F8: variants seen among roughly 807,000 people sequenced by gnomAD.
F8 encodes antihemophilic factor.
A neutral mutation model predicts 140.6 loss-of-function variants in F8; 12 were observed. The ratio of observed to expected loss-of-function variants is 0.09; its 90% CI spans 0.05 to 0.14. The LOEUF (loss-of-function observed/expected upper bound fraction) is 0.14. F8 is among the 10% of genes least tolerant of loss of function. The pLI is 1.00. For missense variants in F8, 1,354 were observed against 1,720.7 expected (o/e 0.79, Z 3.77); for synonymous variants, 585 against 614.6 (o/e 0.95, Z 0.71).
At chrX:155,003,890 G>A (rs1295103440) in intron 1 of F8, among the ~76,000 whole-genome samples, 1 of 106,052 alleles carries the variant, frequency 9.4e-6, no homozygotes, top group Non-Finnish European at 1.9e-5. Context: ...GAACCCAAGA[G>A]GTGGAGCTTG....
In F8 at chrX:154,850,016, A is replaced by G. The variant is rs185715483; in HGVS notation, c.6900+10416T>C. Among the ~76,000 whole-genome samples, 14 of 110,776 alleles carry G rather than the reference A, an allele frequency of 1.3e-4. No homozygotes were observed. In the East Asian group the frequency reaches 3.4e-3, roughly 27 times the overall value. ...TTCACACGCACACCTGGCTTAAACA[A>G]TAGAAATTTATTTTCTCACAGTTCT... On this transcript the variant is annotated intron_variant, in intron 25 of 25. Coordinates refer to ENST00000360256, the MANE Select transcript of F8 (RefSeq NM_000132.4).
chrX:154,964,092 C>A (rs1359785559), intron 9 of F8, among the ~76,000 whole-genome samples: 1 of 111,820 alleles, frequency 8.9e-6, no homozygotes, highest in African/African-American at 3.3e-5. Flanking sequence ...CACACACACA[C>A]ACACATACAC....
At chrX:154,866,567 A>T (rs1376932494) in intron 22 of F8, among the ~76,000 whole-genome samples, 1 of 112,217 alleles carries the variant, frequency 8.9e-6, no homozygotes. Flanking sequence ...ACTACAAATC[A>T]ATAACAATAA....
chrX:154,958,267 T>C (rs1241911397), intron 10 of F8, among the ~76,000 whole-genome samples: 1 of 112,120 alleles, frequency 8.9e-6, no homozygotes, highest in African/African-American at 3.2e-5. Context: ...ACTCTATTGG[T>C]TCTGCTATCC....
At chrX:154,916,475 T>C (rs1051409431) in intron 14 of F8, among the ~76,000 whole-genome samples, 1 of 112,030 alleles carries the variant, frequency 8.9e-6, no homozygotes, top group Non-Finnish European at 1.9e-5. Flanking sequence ...TCAATCTCAT[T>C]ACTAGTTATT....
At chrX:154,861,632 C>A in intron 24 of F8, 86 bp downstream of exon 24, 1 of 1,095,376 alleles carries the variant, frequency 9.1e-7, no homozygotes, top group East Asian at 3.0e-5. Flanking sequence ...ACAGAAATAC[C>A]TCAGAAGAAA....
chrX:155,017,319 C>T (rs2073738867), intron 1 of F8, among the ~76,000 whole-genome samples: 1 of 112,200 alleles, frequency 8.9e-6, no homozygotes, highest in Non-Finnish European at 1.9e-5. Flanking sequence ...ACAGAGTATC[C>T]AGCTGAGTCC....
At chrX:154,941,791 A>G (rs1379034732) in intron 13 of F8, among the ~76,000 whole-genome samples, 2 of 110,143 alleles carry the variant, frequency 1.8e-5, no homozygotes, top group Non-Finnish European at 3.8e-5. Flanking sequence ...GCAAATGTAA[A>G]ACAACAGAAA....
rs782649753 is a variant in F8 at position 154,929,288 on chromosome X, T to G, written c.4502A>C (p.Lys1501Thr). Residue 1501 changes from lysine (K) to threonine (T), a missense_variant, in exon 14 of 26, where the codon AAA becomes ACA. Physicochemically the swap from Lys to Thr is moderately conservative, Grantham distance 78. Transcript: ENST00000360256. Reference sequence around the variant, plus strand: ...GCCAGATGTTTTGGGCAAGTCTGGTTTCGGGAGAACAGTGTTCTCAACTTT... The same window carrying G: ...GCCAGATGTTTTGGGCAAGTCTGGTGTCGGGAGAACAGTGTTCTCAACTTT... ...YKKVENTVLP[K>T]PDLPKTSGKV... 2.1e-5 allele frequency: 25 copies of G among 1,210,420 alleles called. No individual in the cohort carries two copies. Among genetic ancestry groups the G allele is most frequent in the Non-Finnish European group, 2.7e-5 (24 of 895,331 alleles).
intron 22 of F8, among the ~76,000 whole-genome samples, chrX:154,888,844 A>C (rs1380572988): frequency 8.9e-6 from 1 of 112,724 alleles, no homozygotes; most frequent in Admixed American, 9.3e-5. Flanking sequence ...TAAGTTTCCA[A>C]GGCTTTCTGG....
intron 20 of F8, 93 bp downstream of exon 20, chrX:154,901,278 T>C (rs1247394977): frequency 4.8e-6 from 3 of 629,193 alleles, no homozygotes; most frequent in Non-Finnish European, 8.1e-6. Flanking sequence ...AATAGAAGCA[T>C]GGAGATGGAT....
intron 14 of F8, among the ~76,000 whole-genome samples, chrX:154,908,634 AG>A (rs782676264): frequency 1.8e-5 from 2 of 112,003 alleles, no homozygotes; most frequent in Non-Finnish European, 3.8e-5. Flanking sequence ...AAATTTCCAT[AG>A]TTTTTTTTTC....
chrX:154,836,611 G>A lies in F8; in HGVS notation c.*986C>T, dbSNP rs1314157227. On this transcript the variant is annotated 3_prime_UTR_variant, in exon 26 of 26. Transcript: ENST00000360256. ...AATTAGTAGAGGGAGAGAGTAAACTGAGTGCATTATTAGAATTACAAAGTT... is the reference window on the plus strand; with the variant it reads ...AATTAGTAGAGGGAGAGAGTAAACTAAGTGCATTATTAGAATTACAAAGTT... The A allele has an allele frequency of 8.9e-6, 1 of 111,868 alleles. No homozygotes were observed. Among genetic ancestry groups the A allele is most frequent in the East Asian group, 2.8e-4 (1 of 3,587 alleles). 9.2% of individuals were successfully genotyped at this position (111,868 alleles called of 1,213,427 possible). A position where few individuals can be genotyped will look rare whatever the true frequency, so the allele number is the denominator to read the frequency against.
chrX:154,872,126 G>A (rs782558542), intron 22 of F8, among the ~76,000 whole-genome samples: 6 of 111,946 alleles, frequency 5.4e-5, no homozygotes, highest in Non-Finnish European at 1.1e-4. Context: ...CAACCATTGT[G>A]GAAGACAGTA....
In F8 at chrX:154,928,887, C is replaced by G. The variant is rs782303047; in HGVS notation, c.4903G>C (p.Gly1635Arg). 1 of 1,211,553 alleles carries G rather than the reference C, an allele frequency of 8.3e-7. No individual in the cohort carries two copies. Among genetic ancestry groups the G allele is most frequent in the Non-Finnish European group, 1.1e-6 (1 of 895,484 alleles). Residue 1635 changes from glycine (G) to arginine (R), a missense_variant, in exon 14 of 26, where the codon GGA (glycine) becomes CGA (arginine). Coordinates refer to ENST00000360256, the MANE Select transcript of F8 (RefSeq NM_000132.4). ...ACTTCTATTTCGGGCTTATTTTGTC[C>G]CTCATTTATTGCTGCTATTGCATGA... Reference protein sequence around the residue: ...SNHAIAAINEGQNKPEIEVTW... With the variant: ...SNHAIAAINERQNKPEIEVTW...
chrX:154,906,256 A>G (rs2073037512), intron 15 of F8, among the ~76,000 whole-genome samples, 164 bp downstream of exon 15: 1 of 112,249 alleles, frequency 8.9e-6, no homozygotes. Context: ...TAATTTGAAT[A>G]CATAAGGAGA....
intron 6 of F8, among the ~76,000 whole-genome samples, chrX:154,983,461 C>T (rs1270349796): frequency 9.0e-6 from 1 of 111,581 alleles, no homozygotes; most frequent in Non-Finnish European, 1.9e-5. Context: ...AGAGTAGAAT[C>T]GTGGTTACCA....
Position 154,904,826 on chromosome X carries a change from G to A in F8, c.5571C>T (p.Phe1857=). 1 of 1,210,910 alleles carries A rather than the reference G, an allele frequency of 8.3e-7. No homozygotes were observed. Among genetic ancestry groups the A allele is most frequent in the East Asian group, 3.0e-5 (1 of 33,836 alleles). The change falls in exon 16 of 26, where the codon TTC becomes TTT. Residue 1857 remains phenylalanine (F), a synonymous_variant. Coordinates refer to ENST00000360256, the MANE Select transcript of F8 (RefSeq NM_000132.4). ...ACCTGCTTACCAGGTCAACATCAGA[G>A]AAATAAGCCCAGGCTTTGCAGTCAA... ...DEFDCKAWAY[F]SDVDLEKDVH... is the part of the protein sequence containing the mutation.
At chrX:155,008,492 G>A (rs6571277) in intron 1 of F8, among the ~76,000 whole-genome samples, 1,248 of 111,739 alleles carry the variant, frequency 0.011, 18 homozygotes, top group African/African-American at 0.038. Flanking sequence ...GTGCCATCAC[G>A]CCCAGGGCGC....
Sources: gnomAD v4.1 joint callset for allele counts (sites outside exome capture counted in the v4.1 genomes callset) on GRCh38, gnomAD v4.1.1 for gene constraint, MANE v1.5 for transcripts, NCBI Gene and HGNC (gene_info 2026-07-23, HGNC 2026-07-21) for gene names.